The following DAB1 variants were observed in gnomAD, a reference collection of about 807,000 sequenced individuals.
The protein encoded by DAB1 is disabled homolog 1.
DAB1 carries 15 observed loss-of-function variants against 64.6 expected under a neutral mutation model. The ratio of observed to expected loss-of-function variants is 0.23; its 90% CI spans 0.16 to 0.36. The LOEUF (loss-of-function observed/expected upper bound fraction) is 0.36. Ranked by LOEUF, DAB1 falls within the 10% of genes least tolerant of loss-of-function variation. DAB1 has a pLI of 1.00. For missense variants in DAB1, 596 were observed against 706.7 expected, an observed-to-expected ratio of 0.84 and a Z score of 1.78; for synonymous variants, 235 against 251.9, an observed-to-expected ratio of 0.93 and a Z score of 0.64.
chr1:57,033,592 A>G (rs747712982), intron 9 of DAB1: 1 of 1,604,296 alleles, frequency 6.2e-7, no homozygotes, highest in African/African-American at 1.3e-5. Context: ...GGAAGGGATG[A>G]TGAATGAGGA....
rs963040671 is a variant in DAB1 at position 57,839,990 on chromosome 1, G to A, written n.88-13535C>T. ...ATGGAGGGAGCCTTCCATGTGACAA[G>A]ACTTCCTGGAAGAGGCTAATTTCAT... On this transcript the variant is annotated intron_variant and non_coding_transcript_variant, in intron 1 of 1. Coordinates refer to the DAB1 transcript ENST00000477280. Among the ~76,000 whole-genome samples the A allele has an allele frequency of 3.9e-5, 6 of 152,304 alleles. No homozygotes were observed. The East Asian group carries it at 1.2e-3, about 29-fold the overall frequency.
chr1:57,906,712 C>G (rs960896035), intron 5 of DAB1, among the ~76,000 whole-genome samples: 1 of 152,192 alleles, frequency 6.6e-6, no homozygotes, highest in Admixed American at 6.5e-5. Context: ...AAGAGGGTAC[C>G]CGGGAGGAGA....
At chr1:57,817,745 C>T (rs1569772161) in intron 6 of DAB1, among the ~76,000 whole-genome samples, 2 of 152,264 alleles carry the variant, frequency 1.3e-5, no homozygotes, top group South Asian at 4.2e-4. Flanking sequence ...AGAGGTCATT[C>T]ATTCATACCC....
At chr1:57,838,024 C>T (rs1386203883) in intron 1 of DAB1, among the ~76,000 whole-genome samples, 2 of 152,008 alleles carry the variant, frequency 1.3e-5, no homozygotes, top group African/African-American at 4.8e-5. Flanking sequence ...CTAGTGTTTA[C>T]TCTGCTATAG....
At chr1:57,340,248 A>G (rs1331902423) in intron 1 of DAB1, among the ~76,000 whole-genome samples, 2 of 152,208 alleles carry the variant, frequency 1.3e-5, no homozygotes, top group African/African-American at 4.8e-5. Flanking sequence ...AGATCACTGA[A>G]CTCTGGAAAT....
chr1:58,216,205 G>A (rs1465496978), intron 4 of DAB1, among the ~76,000 whole-genome samples: 1 of 151,756 alleles, frequency 6.6e-6, no homozygotes, highest in Non-Finnish European at 1.5e-5. Context: ...ACAGGCCTTG[G>A]TGTGTGATGT....
chr1:57,787,988 A>T (rs1470240114), intron 6 of DAB1, among the ~76,000 whole-genome samples: 1 of 59,958 alleles, frequency 1.7e-5, no homozygotes, highest in Admixed American at 1.9e-4. Flanking sequence ...ATGATTAAAT[A>T]TTAAAAAAAA....
Position 58,523,144 on chromosome 1 carries a change from G to A in DAB1, n.107+4117C>T, listed in dbSNP as rs548729436. On this transcript the variant is annotated intron_variant and non_coding_transcript_variant, in intron 2 of 20. Transcript: ENST00000485760. ...CACTCATCTCCATCAAGTCATCCAC[G>A]GTTAATTCCCCTGATAAGGTGTTTC... 4.6e-5 allele frequency among the ~76,000 whole-genome samples: 7 copies of A among 152,224 alleles called. No homozygotes were observed. The South Asian group carries it at 6.2e-4, about 14-fold the overall frequency.
At chr1:58,148,367 C>T (rs1056391958) in intron 5 of DAB1, among the ~76,000 whole-genome samples, 1 of 152,224 alleles carries the variant, frequency 6.6e-6, no homozygotes, top group Non-Finnish European at 1.5e-5. Flanking sequence ...CTTGAAACTG[C>T]CAACCGCTAC....
At chr1:58,039,325 T>G (rs1417583244) in intron 5 of DAB1, among the ~76,000 whole-genome samples, 1 of 152,104 alleles carries the variant, frequency 6.6e-6, no homozygotes, top group Admixed American at 6.6e-5. Context: ...TGCTAAATTA[T>G]CTAAACCAGC....
chr1:58,070,781 G>A (rs1398898699), intron 5 of DAB1, among the ~76,000 whole-genome samples: 1 of 152,188 alleles, frequency 6.6e-6, no homozygotes, highest in Non-Finnish European at 1.5e-5. Context: ...TGAGGAGGAG[G>A]CAAGGTCACA....
intron 4 of DAB1, among the ~76,000 whole-genome samples, chr1:58,328,615 G>GT (rs1010737875): frequency 6.6e-5 from 10 of 152,002 alleles, no homozygotes; most frequent in Admixed American, 2.0e-4. Flanking sequence ...TCTGGCCTTT[G>GT]TTTTTTTCAA....
intron 4 of DAB1, among the ~76,000 whole-genome samples, chr1:58,310,547 C>T (rs1662406869): frequency 6.6e-6 from 1 of 152,146 alleles, no homozygotes; most frequent in African/African-American, 2.4e-5. Flanking sequence ...GCCTGTAGCT[C>T]CTTACAACAA....
intron 7 of DAB1, among the ~76,000 whole-genome samples, chr1:57,502,184 G>A (rs1028466087): frequency 3.3e-5 from 5 of 151,914 alleles, no homozygotes; most frequent in African/African-American, 9.7e-5. Context: ...AGCCGGTGTG[G>A]TGGCGGGCGC....
intron 7 of DAB1, among the ~76,000 whole-genome samples, chr1:57,429,442 C>T (rs1570509307): frequency 2.6e-5 from 4 of 152,112 alleles, no homozygotes; most frequent in Admixed American, 1.3e-4. Context: ...CTGTAGGTTG[C>T]CTTTTCATTT....
chr1:57,786,718 A>G (rs1329114984), intron 6 of DAB1, among the ~76,000 whole-genome samples: 2 of 152,110 alleles, frequency 1.3e-5, no homozygotes, highest in East Asian at 3.9e-4. Context: ...GAGGCTTCAA[A>G]CCCAGGCAGC....
At chr1:57,338,589 T>C (rs973544850) in intron 1 of DAB1, among the ~76,000 whole-genome samples, 2 of 152,234 alleles carry the variant, frequency 1.3e-5, no homozygotes, top group Admixed American at 1.3e-4. Context: ...ATATCAAATA[T>C]AACCTTTTAG....
intron 4 of DAB1, among the ~76,000 whole-genome samples, chr1:57,112,374 G>T (rs1483766137): frequency 6.6e-6 from 1 of 152,162 alleles, no homozygotes; most frequent in Admixed American, 6.5e-5. Context: ...TTTCCACAAT[G>T]GTCTTCTGTT....
intron 6 of DAB1, among the ~76,000 whole-genome samples, chr1:57,691,815 A>C (rs945007554): frequency 6.6e-6 from 1 of 151,952 alleles, no homozygotes; most frequent in African/African-American, 2.4e-5. Flanking sequence ...AGCAGTGAGC[A>C]CTCTCAGACC....
Sources: allele counts gnomAD v4.1 joint callset (sites outside exome capture counted in the v4.1 genomes callset), GRCh38; gene constraint gnomAD v4.1.1; transcripts MANE v1.5; gene names NCBI Gene and HGNC (gene_info 2026-07-23, HGNC 2026-07-21).